Variants in ZNF875 observed in about 807,000 individuals in gnomAD.
The protein encoded by ZNF875 is HKR1, GLI-Kruppel zinc finger family member.
ZNF875 carries 14 observed loss-of-function variants against 11.2 expected under a neutral mutation model. That is an observed-to-expected ratio of 1.26 (90% CI 0.83 to 1.96). The LOEUF (loss-of-function observed/expected upper bound fraction) is 1.96, where lower values mean the gene tolerates loss of function less well. Among genes scored for constraint, ZNF875 ranks in the 30% most tolerant of loss-of-function variants. The pLI is 0.00. For synonymous variants in ZNF875, 301 were observed against 281.1 expected (o/e 1.07, Z -0.71); for missense variants, 752 against 760.4 (o/e 0.99, Z 0.13).
At chr19:37,332,395 T>G (rs1430908376), upstream of ZNF875, among the ~76,000 whole-genome samples, 1 of 152,134 alleles carries the variant, frequency 6.6e-6, no homozygotes, top group African/African-American at 2.4e-5. Flanking sequence ...TTTTGTATTT[T>G]TAATAGAGAT....
intron 4 of ZNF875, among the ~76,000 whole-genome samples, chr19:37,326,773 T>C (rs1347196482): frequency 6.8e-6 from 1 of 148,060 alleles, no homozygotes; most frequent in African/African-American, 2.5e-5. Flanking sequence ...ATTCAAGTGA[T>C]TCTCCTGCCT....
At chr19:37,325,901 G>A (rs1464077002) in intron 4 of ZNF875, among the ~76,000 whole-genome samples, 1 of 152,058 alleles carries the variant, frequency 6.6e-6, no homozygotes, top group East Asian at 1.9e-4. Context: ...TTAAGACAGG[G>A]TTTCAGCATG....
At chr19:37,320,335 T>C (rs1173193822) in intron 1 of ZNF875, among the ~76,000 whole-genome samples, 2 of 152,188 alleles carry the variant, frequency 1.3e-5, no homozygotes, top group Non-Finnish European at 2.9e-5. Flanking sequence ...TTATTAGCAG[T>C]CAGACCACAG....
At chr19:37,358,796 G>A (rs1184832737) in intron 4 of ZNF875, 1 of 152,292 alleles carries the variant, frequency 6.6e-6, no homozygotes, top group Admixed American at 6.5e-5. Context: ...TGGGATTACA[G>A]GCGTGAGCTA....
At chr19:37,323,516 T>C (rs570615554) in intron 2 of ZNF875, 1 of 152,086 alleles carries the variant, frequency 6.6e-6, no homozygotes, top group African/African-American at 2.4e-5. Context: ...GCAAATCTTG[T>C]TTATTTATTC....
In ZNF875 at chr19:37,364,051, G is replaced by A; in HGVS notation, c.*276G>A. The A allele has an allele frequency of 2.5e-6, 1 of 406,854 alleles. No homozygotes were observed. The highest frequency in any genetic ancestry group is 3.9e-5 in the South Asian group (1 of 25,674). 25.2% of individuals were successfully genotyped at this position (406,854 alleles called of 1,614,324 possible). On this transcript the variant is annotated 3_prime_UTR_variant, in exon 5 of 5. Coordinates refer to ENST00000392153, the MANE Select transcript of ZNF875 (RefSeq NM_001353803.2). ...CGGTCAGGTAATGATAGTGGCAGGA[G>A]GCAGTCAAATGCCCAGGCAGATAGG... is the stretch of plus-strand genomic sequence containing the variant.
intron 4 of ZNF875, among the ~76,000 whole-genome samples, chr19:37,349,085 G>A (rs901795369): frequency 1.3e-5 from 2 of 152,096 alleles, no homozygotes; most frequent in African/African-American, 2.4e-5. Flanking sequence ...TGGCGTGGAG[G>A]AGCAGAGTCC....
intron 4 of ZNF875, among the ~76,000 whole-genome samples, chr19:37,356,175 A>G (rs2038874020): frequency 6.6e-6 from 1 of 152,144 alleles, no homozygotes; most frequent in African/African-American, 2.4e-5. Flanking sequence ...TATCCAGTCC[A>G]CTATTGATGG....
chr19:37,317,514 T>G (rs530608661), upstream of ZNF875, among the ~76,000 whole-genome samples: 561 of 152,272 alleles, frequency 3.7e-3, 4 homozygotes, highest in African/African-American at 0.012. Context: ...GTGCACAAAG[T>G]TGGGTCTCTG....
intron 4 of ZNF875, among the ~76,000 whole-genome samples, chr19:37,350,370 C>T (rs1295613218): frequency 3.3e-5 from 5 of 151,966 alleles, no homozygotes; most frequent in Non-Finnish European, 7.4e-5. Flanking sequence ...GGATTACAGG[C>T]GTGAGCCACT....
intron 2 of ZNF875, among the ~76,000 whole-genome samples, chr19:37,339,302 C>T (rs1001228480): frequency 6.6e-6 from 1 of 152,052 alleles, no homozygotes; most frequent in African/African-American, 2.4e-5. Flanking sequence ...ACAGCCAACA[C>T]TTATCCCACT....
At chr19:37,351,383 T>C (rs1248925584) in intron 4 of ZNF875, among the ~76,000 whole-genome samples, 2 of 152,182 alleles carry the variant, frequency 1.3e-5, no homozygotes, top group Non-Finnish European at 2.9e-5. Context: ...AGAGTCAACT[T>C]TTGGTTTCAT....
At chr19:37,337,519 A>C (rs1261574643) in intron 2 of ZNF875, 1 of 152,266 alleles carries the variant, frequency 6.6e-6, no homozygotes, top group Non-Finnish European at 1.5e-5. Context: ...ATCTCAGCTC[A>C]CTGCACCCTC....
At chr19:37,327,522 C>T (rs150241789) in intron 4 of ZNF875, among the ~76,000 whole-genome samples, 2 of 151,926 alleles carry the variant, frequency 1.3e-5, no homozygotes, top group African/African-American at 4.8e-5. Flanking sequence ...TTTCCCAGCA[C>T]TTTGGGAGGC....
At position 37,363,432 on chromosome 19, in the gene ZNF875, C is replaced by T. The variant is rs1445124951; in HGVS notation, c.1580C>T (p.Thr527Ile). The change falls in exon 5 of 5, where the codon ACA (threonine) becomes ATA (isoleucine). Residue 527 changes from threonine (T) to isoleucine (I), a missense_variant. By Grantham distance (89) the Thr-to-Ile change is moderately conservative. Coordinates refer to ENST00000392153, the MANE Select transcript of ZNF875 (RefSeq NM_001353803.2). ...TCCACCCTCATTTCACACCAGAGGACACATTCAGGGGAAAAGCCTTTTATG... is the reference window on the plus strand; with the variant it reads ...TCCACCCTCATTTCACACCAGAGGATACATTCAGGGGAAAAGCCTTTTATG... ...DKSTLISHQR[T>I]HSGEKPFMCR... The T allele has an allele frequency of 3.7e-6, 6 of 1,613,904 alleles. No individual in the cohort carries two copies. Among genetic ancestry groups the T allele is most frequent in the Non-Finnish European group, 5.1e-6 (6 of 1,179,882 alleles).
intron 2 of ZNF875, among the ~76,000 whole-genome samples, chr19:37,337,965 G>T (rs986689671): frequency 1.3e-5 from 2 of 152,120 alleles, no homozygotes; most frequent in Non-Finnish European, 2.9e-5. Context: ...GGACTCCAGT[G>T]GTGGGGATTA....
At chr19:37,327,687 C>T (rs1220917917) in intron 4 of ZNF875, among the ~76,000 whole-genome samples, 1 of 150,206 alleles carries the variant, frequency 6.7e-6, no homozygotes, top group Non-Finnish European at 1.5e-5. Context: ...ATCGCTTGAA[C>T]CCGGAGGCAG....
At chr19:37,339,258 G>A (rs1047711175) in intron 2 of ZNF875, among the ~76,000 whole-genome samples, 5 of 151,932 alleles carry the variant, frequency 3.3e-5, no homozygotes, top group Non-Finnish European at 7.4e-5. Flanking sequence ...TACTGGCAGT[G>A]TATCTACCCA....
intron 2 of ZNF875, chr19:37,345,011 C>G: frequency 4.6e-6 from 2 of 430,748 alleles, no homozygotes; most frequent in East Asian, 8.4e-5. Flanking sequence ...TACCCATCAC[C>G]TAGATTCTCA....
Sources: allele counts gnomAD v4.1 joint callset (sites outside exome capture counted in the v4.1 genomes callset), GRCh38; gene constraint gnomAD v4.1.1; transcripts MANE v1.5; gene names NCBI Gene and HGNC (gene_info 2026-07-23, HGNC 2026-07-21).